UBN2: variants seen among roughly 807,000 people sequenced by gnomAD.
The protein encoded by UBN2 is ubinuclein 2.
In UBN2, 35 loss-of-function variants were observed where a neutral mutation model predicts 120.2. The observed-to-expected ratio is 0.29, with a 90% CI of 0.22 to 0.39. The LOEUF (loss-of-function observed/expected upper bound fraction) is 0.39. Ranked by LOEUF, UBN2 falls within the 10% of genes least tolerant of loss-of-function variation. UBN2 has a pLI of 1.00. For synonymous variants in UBN2, 661 were observed against 648.7 expected (o/e 1.02, Z -0.29); for missense variants, 1,693 against 1,663.2 (o/e 1.02, Z -0.31).
At chr7:139,314,908 A>C in the UBN2 span, among the ~76,000 whole-genome samples, 1 of 152,072 alleles carries the variant, frequency 6.6e-6, no homozygotes, top group African/African-American at 2.4e-5. Flanking sequence ...TTTTCAAAGA[A>C]CCGTGAATGT....
intron 15 of UBN2, among the ~76,000 whole-genome samples, chr7:139,292,252 C>G (rs985178910): frequency 1.4e-4 from 21 of 150,718 alleles, no homozygotes; most frequent in African/African-American, 5.1e-4. Flanking sequence ...GACCCTGTCT[C>G]AAAAAAAAGG....
intron 8 of UBN2, among the ~76,000 whole-genome samples, chr7:139,271,829 G>A (rs1364795540): frequency 6.6e-6 from 1 of 152,042 alleles, no homozygotes; most frequent in Admixed American, 6.6e-5. Flanking sequence ...ATTTTTACTT[G>A]CAGCCTAAGT....
In UBN2 at chr7:139,231,407, G is replaced by A. The variant is rs1788872377; in HGVS notation, c.-78G>A. The A allele has an allele frequency of 2.6e-6, 3 of 1,156,464 alleles. 1 individual carries two copies. The highest frequency in any genetic ancestry group is 3.3e-6 in the Non-Finnish European group (3 of 909,206). 71.6% of individuals were successfully genotyped at this position (1,156,464 alleles called of 1,614,324 possible). ...GGAAGAAAAGCGACAGAGAGCAAGA[G>A]GAAGGGCGGGCAGGCACGCAGCGCG... On this transcript the variant is annotated 5_prime_UTR_variant, in exon 1 of 18. Coordinates refer to ENST00000473989, the MANE Select transcript of UBN2 (RefSeq NM_173569.4).
In UBN2 at chr7:139,293,809, C is replaced by A. The variant is rs1408361143; in HGVS notation, c.3902-80C>A. 5 of 1,351,728 alleles carry A rather than the reference C, an allele frequency of 3.7e-6. No individual in the cohort carries two copies. In the African/African-American group the frequency reaches 7.2e-5, roughly 19 times the overall value. 83.7% of individuals were successfully genotyped at this position (1,351,728 alleles called of 1,614,324 possible). On this transcript the variant is annotated intron_variant, in intron 16 of 17. Coordinates refer to ENST00000473989, the MANE Select transcript of UBN2 (RefSeq NM_173569.4). ...GAAGTCAGGTGCTGTGCCTGCATTA[C>A]ATAAATCAGTTTTCATTTTTGAACT...
chr7:139,254,715 A>T (rs570790814), intron 3 of UBN2, among the ~76,000 whole-genome samples: 1 of 152,354 alleles, frequency 6.6e-6, no homozygotes, highest in South Asian at 2.1e-4. Flanking sequence ...CCAAGAAGTA[A>T]CTTAGCCATA....
At chr7:139,294,415 GCAACTTGCCCAAGATAATACA>G (rs928581748) in intron 17 of UBN2, among the ~76,000 whole-genome samples, 2 of 152,202 alleles carry the variant, frequency 1.3e-5, no homozygotes, top group African/African-American at 4.8e-5. Flanking sequence ...AGAGAGCTAA[GCAACTTGCCCAAGATAATACA>G]CAACTTGCCC....
intron 12 of UBN2, 27 bp downstream of exon 12, chr7:139,276,174 T>G (rs758536667): frequency 1.9e-6 from 3 of 1,603,896 alleles, no homozygotes; most frequent in Non-Finnish European, 2.6e-6. Flanking sequence ...TCCAGATTGC[T>G]TCATTTATTC....
chr7:139,267,306 G>A (rs1797127453), intron 7 of UBN2, among the ~76,000 whole-genome samples: 1 of 152,152 alleles, frequency 6.6e-6, no homozygotes, highest in Admixed American at 6.5e-5. Context: ...GGCCAAGGTG[G>A]GAGGATCACT....
intron 2 of UBN2, among the ~76,000 whole-genome samples, chr7:139,247,860 A>G (rs1796514121): frequency 6.6e-6 from 1 of 152,110 alleles, no homozygotes; most frequent in South Asian, 2.1e-4. Context: ...TTGTCTGGGT[A>G]TGAATATCTT....
chr7:139,236,459 G>A (rs2130926562), intron 1 of UBN2, among the ~76,000 whole-genome samples: 1 of 152,290 alleles, frequency 6.6e-6, no homozygotes, highest in East Asian at 1.9e-4. Flanking sequence ...TTGAAGTGTT[G>A]CTTTTAATTA....
chr7:139,274,341 A>AG (rs1797378842), intron 11 of UBN2, among the ~76,000 whole-genome samples: 2 of 152,168 alleles, frequency 1.3e-5, no homozygotes, highest in South Asian at 4.1e-4. Flanking sequence ...GAAAAAGAGA[A>AG]GAGGGAAGAC....
intron 6 of UBN2, among the ~76,000 whole-genome samples, chr7:139,263,000 G>A (rs1796985578): frequency 6.6e-6 from 1 of 152,162 alleles, no homozygotes; most frequent in Admixed American, 6.5e-5. Context: ...TTATAAGATA[G>A]GGACTGTAAC....
At chr7:139,279,640 G>A (rs1207415581) in intron 13 of UBN2, among the ~76,000 whole-genome samples, 1 of 152,144 alleles carries the variant, frequency 6.6e-6, no homozygotes, top group East Asian at 1.9e-4. Context: ...AGGTGAGATT[G>A]AAAAATATGT....
chr7:139,238,377 G>T (rs1796220388), intron 2 of UBN2, among the ~76,000 whole-genome samples: 1 of 152,174 alleles, frequency 6.6e-6, no homozygotes, highest in Admixed American at 6.5e-5. Context: ...TTTGCCATCT[G>T]CTAATTGTGT....
intron 1 of UBN2, among the ~76,000 whole-genome samples, chr7:139,236,209 G>T (rs1187439703): frequency 9.2e-5 from 14 of 152,154 alleles, no homozygotes; most frequent in Non-Finnish European, 2.9e-5. Context: ...AGCTCTGTGT[G>T]TGTGTGTGTG....
At chr7:139,308,241 C>T (rs1484671982), downstream of UBN2, 1 of 151,970 alleles carries the variant, frequency 6.6e-6, no homozygotes, top group East Asian at 1.9e-4. Context: ...ATACTATCCT[C>T]GTGTCTGTTG....
intron 6 of UBN2, among the ~76,000 whole-genome samples, chr7:139,266,000 T>G (rs1198369197): frequency 6.6e-6 from 1 of 152,076 alleles, no homozygotes; most frequent in Non-Finnish European, 1.5e-5. Context: ...TTTGAATCTC[T>G]CAAATGGCTT....
chr7:139,270,749 A>ATTT (rs1016835961), intron 8 of UBN2, among the ~76,000 whole-genome samples: 3 of 144,078 alleles, frequency 2.1e-5, no homozygotes, highest in African/African-American at 7.6e-5. Flanking sequence ...TCACTTTTTA[A>ATTT]TTTTTTTTTT....
At chr7:139,297,682 T>A (rs1263368196) in intron 17 of UBN2, 105 bp from the exon 18 acceptor site, 3 of 974,224 alleles carry the variant, frequency 3.1e-6, no homozygotes, top group South Asian at 1.4e-5. Flanking sequence ...TTTTCAGAGA[T>A]GTCATCCACA....
Sources: gnomAD v4.1 joint callset for allele counts (sites outside exome capture counted in the v4.1 genomes callset) on GRCh38, gnomAD v4.1.1 for gene constraint, MANE v1.5 for transcripts, NCBI Gene and HGNC (gene_info 2026-07-23, HGNC 2026-07-21) for gene names.